The following GALNT18 variants were observed in gnomAD, a reference collection of about 807,000 sequenced individuals.
GALNT18 encodes polypeptide N-acetylgalactosaminyltransferase 18, also known as GalNAc-transferase 18.
A neutral mutation model predicts 69.5 loss-of-function variants in GALNT18; 44 were observed. That is an observed-to-expected ratio of 0.63 (90% CI 0.50 to 0.81). GALNT18 has a LOEUF of 0.81. Among genes scored for constraint, GALNT18 ranks in the 40% least tolerant of loss-of-function variants. The pLI is 0.00. For synonymous variants in GALNT18, 364 were observed against 318.2 expected (o/e 1.14, Z -1.53); for missense variants, 715 against 810.0 (o/e 0.88, Z 1.42).
Position 11,601,635 on chromosome 11 carries a change from G to C in GALNT18, c.235+19724C>G, listed in dbSNP as rs1859637000. ...AAATTTGGGTTTGGGGGTTCTTTTG[G>C]CAGGGATTTTCTTTGAGGCCAGTTT... On this transcript the variant is annotated intron_variant, in intron 1 of 10. Transcript: ENST00000227756. The surrounding 1 kb of genome is among the most constrained non-coding windows in gnomAD (Gnocchi z 4.0). Among the ~76,000 whole-genome samples the C allele has an allele frequency of 6.6e-6, 1 of 152,112 alleles. No homozygotes were observed. The highest frequency in any genetic ancestry group is 2.4e-5 in the African/African-American group (1 of 41,408).
In GALNT18 at chr11:11,404,576, C is replaced by A. The variant is rs1212908278; in HGVS notation, c.596-25312G>T. Among the ~76,000 whole-genome samples, 2 of 152,120 alleles carry A rather than the reference C, an allele frequency of 1.3e-5. No individual in the cohort carries two copies. Among genetic ancestry groups the A allele is most frequent in the Non-Finnish European group, 2.9e-5 (2 of 68,016 alleles). ...AGGAAAATGTCTGAGTGTATCTGAA[C>A]CACGGCTCCATCCAAACCTAAGCCC... On this transcript the variant is annotated intron_variant, in intron 3 of 10. Transcript: ENST00000227756. This position sits in a 1 kb window ranked among gnomAD's most constrained non-coding sequence, Gnocchi z 4.5.
chr11:11,537,682 C>G (rs1427111963), intron 1 of GALNT18, among the ~76,000 whole-genome samples: 1 of 152,168 alleles, frequency 6.6e-6, no homozygotes, highest in Admixed American at 6.5e-5. Flanking sequence ...CTTGCCACAA[C>G]AGAACCATCT....
chr11:11,535,206 C>T (rs1326365362), intron 1 of GALNT18, among the ~76,000 whole-genome samples: 1 of 152,192 alleles, frequency 6.6e-6, no homozygotes, highest in African/African-American at 2.4e-5. Flanking sequence ...GAGGCAGACC[C>T]TGGCCCCCGG....
At chr11:11,348,957 C>G in intron 6 of GALNT18, among the ~76,000 whole-genome samples, 1 of 152,180 alleles carries the variant, frequency 6.6e-6, no homozygotes, top group East Asian at 1.9e-4. Context: ...AGAAGCAATG[C>G]TTTGGCAGTA....
chr11:11,333,584 C>T (rs1181234350), intron 7 of GALNT18, among the ~76,000 whole-genome samples: 4 of 152,140 alleles, frequency 2.6e-5, no homozygotes, highest in Admixed American at 6.5e-5. Flanking sequence ...TGGAAGATCC[C>T]ACCCTTCTGC....
intron 1 of GALNT18, among the ~76,000 whole-genome samples, chr11:11,529,439 G>A (rs144598512): frequency 6.6e-6 from 1 of 152,108 alleles, no homozygotes; most frequent in Non-Finnish European, 1.5e-5. Flanking sequence ...ATGAACATTT[G>A]TTCTTCTTGG....
At chr11:11,468,404 G>A (rs1028925404) in intron 1 of GALNT18, among the ~76,000 whole-genome samples, 12 of 152,182 alleles carry the variant, frequency 7.9e-5, no homozygotes, top group Non-Finnish European at 1.2e-4. Flanking sequence ...GTGAGTGCTC[G>A]CCTCCTTCCT....
intron 9 of GALNT18, among the ~76,000 whole-genome samples, chr11:11,294,641 G>A: frequency 6.6e-6 from 1 of 151,604 alleles, no homozygotes; most frequent in Admixed American, 6.6e-5. Context: ...ACAAATGGCT[G>A]TGTTTCATTA....
In GALNT18 at chr11:11,402,176, C is replaced by T. The variant is rs1854482501; in HGVS notation, c.596-22912G>A. Among the ~76,000 whole-genome samples, 1 of 152,224 alleles carries T rather than the reference C, an allele frequency of 6.6e-6. No individual in the cohort carries two copies. Among genetic ancestry groups the T allele is most frequent in the African/African-American group, 2.4e-5 (1 of 41,454 alleles). On this transcript the variant is annotated intron_variant, in intron 3 of 10. Transcript: ENST00000227756. The surrounding 1 kb of genome is among the most constrained non-coding windows in gnomAD (Gnocchi z 4.0). ...GAAAGCAAATAGGCACCAGAAGAAT[C>T]ATGCAATCATGGTTTATTTTCTGTC... is the stretch of plus-strand genomic sequence containing the variant.
chr11:11,294,848 A>G (rs1040074178), intron 9 of GALNT18, among the ~76,000 whole-genome samples: 30 of 152,084 alleles, frequency 2.0e-4, no homozygotes, highest in Non-Finnish European at 2.5e-4. Flanking sequence ...AGGCATTAAC[A>G]TGCTGCTACC....
chr11:11,593,808 C>T (rs1165294309), intron 1 of GALNT18, among the ~76,000 whole-genome samples: 2 of 152,146 alleles, frequency 1.3e-5, no homozygotes, highest in Non-Finnish European at 2.9e-5. Flanking sequence ...AATTTCCAGC[C>T]TTTCTCAATT....
chr11:11,373,828 G>A (rs972101490), intron 5 of GALNT18, among the ~76,000 whole-genome samples: 9 of 152,236 alleles, frequency 5.9e-5, no homozygotes, highest in Non-Finnish European at 1.0e-4. Flanking sequence ...TTGTTCTACT[G>A]CTTATTGCTA....
chr11:11,555,698 T>C lies in GALNT18; in HGVS notation c.235+65661A>G, dbSNP rs1858317617. On this transcript the variant is annotated intron_variant, in intron 1 of 10. Transcript: ENST00000227756. The surrounding 1 kb of genome is among the most constrained non-coding windows in gnomAD (Gnocchi z 4.7). Reference sequence around the variant, plus strand: ...TTAACAGCATTACCAGGGAAGCAAGTAATGGTCAAGCCTTCCTGCAAGGGT... The same window carrying C: ...TTAACAGCATTACCAGGGAAGCAAGCAATGGTCAAGCCTTCCTGCAAGGGT... 6.6e-6 allele frequency among the ~76,000 whole-genome samples: 1 copy of C among 152,150 alleles called. No homozygotes were observed. The highest frequency in any genetic ancestry group is 1.5e-5 in the Non-Finnish European group (1 of 68,018).
chr11:11,594,340 C>T (rs189722314), intron 1 of GALNT18, among the ~76,000 whole-genome samples: 12 of 152,338 alleles, frequency 7.9e-5, no homozygotes, highest in Middle Eastern at 3.4e-3. Flanking sequence ...ATAACAGCGA[C>T]GCACTTAAAA....
chr11:11,479,453 C>A (rs1159520215), intron 1 of GALNT18, among the ~76,000 whole-genome samples: 1 of 151,964 alleles, frequency 6.6e-6, no homozygotes, highest in Non-Finnish European at 1.5e-5. Flanking sequence ...AACAGTGGTG[C>A]CAGCAAATTA....
chr11:11,346,577 G>C (rs1850306886), intron 6 of GALNT18, among the ~76,000 whole-genome samples: 1 of 152,152 alleles, frequency 6.6e-6, no homozygotes, highest in South Asian at 2.1e-4. Flanking sequence ...CATCAAATGA[G>C]CACAGGCGAT....
chr11:11,566,117 CAT>C (rs1409996108), intron 1 of GALNT18, among the ~76,000 whole-genome samples: 1 of 152,170 alleles, frequency 6.6e-6, no homozygotes, highest in East Asian at 1.9e-4. Context: ...AAATTAAAAA[CAT>C]ATGCAAAGCA....
chr11:11,375,521 A>G (rs1284028326), intron 5 of GALNT18, among the ~76,000 whole-genome samples: 1 of 152,198 alleles, frequency 6.6e-6, no homozygotes, highest in African/African-American at 2.4e-5. Context: ...GGAGCAGAAA[A>G]CAGCTACACC....
At chr11:11,579,704 T>C (rs1044671168) in intron 1 of GALNT18, among the ~76,000 whole-genome samples, 19 of 152,256 alleles carry the variant, frequency 1.2e-4, no homozygotes, top group African/African-American at 4.3e-4. Flanking sequence ...TGTCTCTTTC[T>C]GAATAAATGA....
Sources: allele counts gnomAD v4.1 joint callset (sites outside exome capture counted in the v4.1 genomes callset), GRCh38; gene constraint gnomAD v4.1.1; non-coding constraint Gnocchi (gnomAD v3.1); transcripts MANE v1.5; gene names NCBI Gene and HGNC (gene_info 2026-07-23, HGNC 2026-07-21).